The following TEX9 variants were observed in gnomAD, a reference collection of about 807,000 sequenced individuals.
TEX9 encodes testis expressed 9.
In TEX9, 74 loss-of-function variants were observed where a neutral mutation model predicts 59.6. That is an observed-to-expected ratio of 1.24 (90% confidence interval 1.03 to 1.51). The LOEUF is 1.51. Among genes scored for constraint, TEX9 ranks in the 40% most tolerant of loss-of-function variants. The pLI, the probability that TEX9 is intolerant of heterozygous loss-of-function variation, is 0.00. For missense variants in TEX9, 522 were observed against 447.8 expected, an observed-to-expected ratio of 1.17 and a Z score of -1.49; for synonymous variants, 186 against 152.2, an observed-to-expected ratio of 1.22 and a Z score of -1.64.
chr15:56,418,746 A>G (rs2049824504), intron 10 of TEX9, among the ~76,000 whole-genome samples: 1 of 151,910 alleles, frequency 6.6e-6, no homozygotes, highest in Non-Finnish European at 1.5e-5. Flanking sequence ...ATGAAGCAAC[A>G]CCTAGATAAT....
rs533525517 is a variant in TEX9, at chr15:56,338,698, C to T, written c.-106-34743C>T. 2.6e-5 allele frequency among the ~76,000 whole-genome samples: 4 copies of T among 152,264 alleles called. No homozygotes were observed. The South Asian group carries it at 8.3e-4, about 32-fold the overall frequency. On this transcript the variant is annotated intron_variant, in intron 1 of 5. Coordinates refer to the TEX9 transcript ENST00000560827. ...TTGGGAGGCCAAGGTGGGTGGATCACCTGAGGTCAGGAGTTTGAGACCAGT... is the reference window on the plus strand; with the variant it reads ...TTGGGAGGCCAAGGTGGGTGGATCATCTGAGGTCAGGAGTTTGAGACCAGT...
chr15:56,344,619 A>C (rs73413930), intron 1 of TEX9, among the ~76,000 whole-genome samples: 3,994 of 152,244 alleles, frequency 0.026, 171 homozygotes, highest in African/African-American at 0.092. Flanking sequence ...GAAAAACCAC[A>C]GAATTGTTCA....
Position 56,317,902 on chromosome 15 carries a change from C to G in TEX9, c.-106-55539C>G, listed in dbSNP as rs141593941. On this transcript the variant is annotated intron_variant, in intron 1 of 5. Coordinates refer to the TEX9 transcript ENST00000560827. Reference sequence around the variant, plus strand: ...TATTGAGGCTTGTTTTATGGCCTAACATATGATCTTTTCTGGAAAATATCT... The same window carrying G: ...TATTGAGGCTTGTTTTATGGCCTAAGATATGATCTTTTCTGGAAAATATCT... 1.5e-3 allele frequency among the ~76,000 whole-genome samples: 226 copies of G among 152,204 alleles called. 1 individual carries two copies. Among genetic ancestry groups the G allele is most frequent in the African/African-American group, 5.3e-3 (221 of 41,532 alleles).
chr15:56,420,995 C>T (rs148386564), intron 10 of TEX9, among the ~76,000 whole-genome samples: 2 of 151,848 alleles, frequency 1.3e-5, no homozygotes, highest in East Asian at 3.9e-4. Context: ...TTCATGTGCC[C>T]TTGATAGGAA....
At chr15:56,433,146 A>ATTTC (rs1434307771) in intron 12 of TEX9, among the ~76,000 whole-genome samples, 6 of 146,756 alleles carry the variant, frequency 4.1e-5, no homozygotes, top group African/African-American at 1.5e-4. Context: ...CTCAAAATCT[A>ATTTC]TTTCTTTTCC....
At chr15:56,290,810 T>C (rs2045072795) in intron 1 of TEX9, among the ~76,000 whole-genome samples, 1 of 151,856 alleles carries the variant, frequency 6.6e-6, no homozygotes, top group Non-Finnish European at 1.5e-5. Flanking sequence ...TTTTTCTCCA[T>C]TGTGTTGCTG....
intron 1 of TEX9, among the ~76,000 whole-genome samples, chr15:56,337,576 T>A (rs1378568386): frequency 6.6e-6 from 1 of 152,178 alleles, no homozygotes; most frequent in Non-Finnish European, 1.5e-5. Context: ...TGTAAATGAC[T>A]AAAAGGCACC....
At chr15:56,456,021 C>A in the TEX9 span, among the ~76,000 whole-genome samples, 1 of 152,060 alleles carries the variant, frequency 6.6e-6, no homozygotes, top group Non-Finnish European at 1.5e-5. Context: ...GGTACTGAAA[C>A]ACAGGCTCCA....
chr15:56,254,722 A>G (rs1358372241), intron 1 of TEX9, among the ~76,000 whole-genome samples: 1 of 151,684 alleles, frequency 6.6e-6, no homozygotes, highest in Non-Finnish European at 1.5e-5. Context: ...AAATTTAAAA[A>G]AGATGAATAC....
intron 1 of TEX9, among the ~76,000 whole-genome samples, chr15:56,254,514 A>T (rs561812189): frequency 1.3e-4 from 20 of 151,554 alleles, no homozygotes; most frequent in African/African-American, 4.6e-4. Flanking sequence ...GAGGCTCCTC[A>T]CTCTGAAAAG....
chr15:56,365,332 C>G (rs1442139985), upstream of TEX9: 1 of 1,352,786 alleles, frequency 7.4e-7, no homozygotes, highest in Non-Finnish European at 9.8e-7. Context: ...TCGCGCCGCT[C>G]GCAGCACAGA....
At chr15:56,269,446 C>T (rs1283408303) in intron 1 of TEX9, among the ~76,000 whole-genome samples, 1 of 152,104 alleles carries the variant, frequency 6.6e-6, no homozygotes, top group African/African-American at 2.4e-5. Flanking sequence ...CCTGCTTTCT[C>T]TTGTGGGCAT....
chr15:56,359,729 T>C (rs73413939), intron 1 of TEX9, among the ~76,000 whole-genome samples: 3,998 of 152,244 alleles, frequency 0.026, 172 homozygotes, highest in African/African-American at 0.092. Flanking sequence ...TCCTTATCTG[T>C]ATACTCCTTA....
chr15:56,261,615 G>T (rs2044269198), intron 1 of TEX9, among the ~76,000 whole-genome samples: 1 of 152,002 alleles, frequency 6.6e-6, no homozygotes, highest in Non-Finnish European at 1.5e-5. Context: ...TATTCGGGAA[G>T]CTGAGGCATG....
At chr15:56,312,896 T>C (rs1257503029) in intron 1 of TEX9, among the ~76,000 whole-genome samples, 1 of 120,594 alleles carries the variant, frequency 8.3e-6, no homozygotes, top group African/African-American at 3.3e-5. Flanking sequence ...TATTTTATTC[T>C]CTTTGAAGCA....
intron 1 of TEX9, among the ~76,000 whole-genome samples, chr15:56,249,888 C>G (rs2043973770): frequency 6.6e-6 from 1 of 151,844 alleles, no homozygotes. Flanking sequence ...GGGAGATACT[C>G]TAACCTCATA....
At chr15:56,305,397 T>G (rs2045456184) in intron 1 of TEX9, among the ~76,000 whole-genome samples, 1 of 152,002 alleles carries the variant, frequency 6.6e-6, no homozygotes, top group Non-Finnish European at 1.5e-5. Context: ...GCTATTGTAA[T>G]CAAAACAGCA....
intron 1 of TEX9, among the ~76,000 whole-genome samples, chr15:56,310,114 C>T (rs1284699046): frequency 5.3e-5 from 8 of 152,132 alleles, no homozygotes; most frequent in South Asian, 2.1e-4. Flanking sequence ...ATCCTAGGGA[C>T]GTGGCTTTGA....
At chr15:56,443,399 A>G (rs913333979) in intron 12 of TEX9, 1 of 1,465,352 alleles carries the variant, frequency 6.8e-7, no homozygotes, top group Non-Finnish European at 9.2e-7. Flanking sequence ...TCTTCTCTAC[A>G]TTAATCATTC....
Sources: allele counts gnomAD v4.1 joint callset (sites outside exome capture counted in the v4.1 genomes callset), GRCh38; gene constraint gnomAD v4.1.1; transcripts MANE v1.5; gene names NCBI Gene and HGNC (gene_info 2026-07-23, HGNC 2026-07-21).